Variants in TTC3 observed in about 807,000 individuals in gnomAD.
The protein encoded by TTC3 is E3 ubiquitin-protein ligase TTC3.
A neutral mutation model predicts 249.6 loss-of-function variants in TTC3; 180 were observed. The ratio of observed to expected loss-of-function variants is 0.72; its 90% CI spans 0.64 to 0.82. TTC3 has a LOEUF of 0.82. Among genes scored for constraint, TTC3 ranks in the 40% least tolerant of loss-of-function variants. The pLI, the probability that TTC3 is intolerant of heterozygous loss-of-function variation, is 0.00. For synonymous variants in TTC3, 717 were observed against 805.0 expected (o/e 0.89, Z 1.85); for missense variants, 2,061 against 2,398.4 (o/e 0.86, Z 2.94).
rs575842144 is a variant in TTC3 at position 37,127,492 on chromosome 21, G to A, written c.1297+1349G>A. Among the ~76,000 whole-genome samples the A allele has an allele frequency of 2.4e-3, 366 of 152,280 alleles. 2 individuals carry two copies. The highest frequency in any genetic ancestry group is 0.013 in the South Asian group (64 of 4,822). ...ATTTCTGAATCTTAATACCACCAGA[G>A]TTTGATGAAAATCCTCTAAAGTATA... On this transcript the variant is annotated intron_variant, in intron 15 of 45. Transcript: ENST00000355666.
At chr21:37,201,318 G>A in intron 45 of TTC3, 122 bp from the exon 46 acceptor site, 1 of 1,243,724 alleles carries the variant, frequency 8.0e-7, no homozygotes, top group Non-Finnish European at 1.2e-6. Context: ...GTATTGGGCA[G>A]CTCCAGGCCC....
chr21:37,101,488 GTCT>G (rs1289385892), intron 10 of TTC3: 1 of 151,804 alleles, frequency 6.6e-6, no homozygotes, highest in Non-Finnish European at 1.5e-5. Context: ...ACTTTTTTCA[GTCT>G]TCTTTGGGGT....
intron 17 of TTC3, among the ~76,000 whole-genome samples, chr21:37,133,679 G>C (rs903940587): frequency 6.6e-6 from 1 of 152,126 alleles, no homozygotes; most frequent in African/African-American, 2.4e-5. Flanking sequence ...GAGCTTTCAG[G>C]ACAGATCATT....
intron 34 of TTC3, among the ~76,000 whole-genome samples, chr21:37,169,977 T>A (rs1241300032): frequency 1.3e-5 from 2 of 152,154 alleles, no homozygotes; most frequent in Non-Finnish European, 2.9e-5. Flanking sequence ...CCTCATTCCT[T>A]ATACCAAAAT....
At chr21:37,153,442 A>G in intron 27 of TTC3, 165 bp downstream of exon 27, 1 of 671,102 alleles carries the variant, frequency 1.5e-6, no homozygotes, top group African/African-American at 1.8e-5. Context: ...TGGGAGGCGG[A>G]GGCAGGATGA....
intron 10 of TTC3, chr21:37,101,445 G>GA (rs5843793): frequency 1 from 152,116 of 152,116 alleles, 76,058 homozygotes; most frequent in Non-Finnish European, 1. Flanking sequence ...TTTTTACTTA[G>GA]AGCCACTGAA....
exon 33 of TTC3, chr21:37,165,782 A>G (rs1430874716): frequency 1.9e-6 from 3 of 1,613,938 alleles, no homozygotes; most frequent in Admixed American, 3.3e-5. Context: ...CATTAAAACA[A>G]AAGTAGAAGA....
At chr21:37,203,017 G>T (rs1243834388) in exon 46 of TTC3, 1 of 152,228 alleles carries the variant, frequency 6.6e-6, no homozygotes, top group African/African-American at 2.4e-5. Context: ...TCCGTTGAAT[G>T]AGTGTGTTTT....
intron 30 of TTC3, 95 bp from the exon 31 acceptor site, chr21:37,161,895 G>C: frequency 1.3e-6 from 1 of 765,758 alleles, no homozygotes. Context: ...ATTTGTATGT[G>C]TGTTTATATA....
chr21:37,129,547 C>A (rs2077302915), intron 16 of TTC3, among the ~76,000 whole-genome samples: 1 of 152,190 alleles, frequency 6.6e-6, no homozygotes, highest in African/African-American at 2.4e-5. Flanking sequence ...AGAGGAAAAT[C>A]TTTCCTAATG....
chr21:37,132,812 A>C (rs946560692), intron 17 of TTC3, 46 bp downstream of exon 17: 19 of 1,450,648 alleles, frequency 1.3e-5, no homozygotes, highest in Non-Finnish European at 1.8e-5. Flanking sequence ...CTCTTTGAAC[A>C]AAACATTGTT....
intron 1 of TTC3, chr21:37,083,388 T>C (rs2071973992): frequency 1.0e-6 from 1 of 985,334 alleles, no homozygotes; most frequent in African/African-American, 1.7e-5. Context: ...TAAAGTGATA[T>C]GATCAGAGTT....
chr21:37,110,727 A>G (rs1486634381), intron 11 of TTC3, among the ~76,000 whole-genome samples: 1 of 152,214 alleles, frequency 6.6e-6, no homozygotes, highest in East Asian at 1.9e-4. Flanking sequence ...ACTCCTTGAG[A>G]AGAGCAACTC....
chr21:37,099,526 TA>T (rs2074271205), intron 10 of TTC3, among the ~76,000 whole-genome samples: 1 of 152,294 alleles, frequency 6.6e-6, no homozygotes, highest in African/African-American at 2.4e-5. Flanking sequence ...AATTAAAAAA[TA>T]AATGGTCTAA....
intron 1 of TTC3, among the ~76,000 whole-genome samples, chr21:37,079,665 G>A (rs558628837): frequency 2.0e-5 from 3 of 151,620 alleles, no homozygotes; most frequent in African/African-American, 7.3e-5. Flanking sequence ...CTGAGTAGCT[G>A]GGATTACAGC....
intron 39 of TTC3, among the ~76,000 whole-genome samples, chr21:37,189,601 G>A (rs1885422558): frequency 1.3e-5 from 2 of 152,054 alleles, no homozygotes; most frequent in African/African-American, 2.4e-5. Flanking sequence ...ATGCTGGAGT[G>A]TAGTGGCGTG....
intron 20 of TTC3, among the ~76,000 whole-genome samples, chr21:37,142,466 CAG>C (rs1400297013): frequency 6.6e-6 from 1 of 152,144 alleles, no homozygotes; most frequent in South Asian, 2.1e-4. Flanking sequence ...AACAGACAAA[CAG>C]AGAGCCAAAT....
intron 1 of TTC3, chr21:37,084,340 T>C (rs2072109502): frequency 6.6e-6 from 1 of 152,220 alleles, no homozygotes; most frequent in African/African-American, 2.4e-5. Context: ...AAGTAAGTTG[T>C]AAGCTGAAAA....
intron 10 of TTC3, chr21:37,108,126 A>C (rs1601479629): frequency 9.6e-6 from 3 of 311,502 alleles, no homozygotes; most frequent in East Asian, 1.3e-4. Context: ...CAATGTCGAA[A>C]TGTGCAAGAA....
Sources: gnomAD v4.1 joint callset for allele counts (sites outside exome capture counted in the v4.1 genomes callset) on GRCh38, gnomAD v4.1.1 for gene constraint, MANE v1.5 for transcripts, NCBI Gene and HGNC (gene_info 2026-07-23, HGNC 2026-07-21) for gene names.